Variants in ASIC2 observed in about 807,000 individuals in gnomAD.
ASIC2 encodes the protein acid-sensing ion channel 2.
In ASIC2, 25 loss-of-function variants were observed where a neutral mutation model predicts 57.3. The ratio of observed to expected loss-of-function variants is 0.44; its 90% CI spans 0.32 to 0.61. The LOEUF (loss-of-function observed/expected upper bound fraction) is 0.61. Among genes scored for constraint, ASIC2 ranks in the 20% least tolerant of loss-of-function variants. The pLI, the probability that ASIC2 is intolerant of heterozygous loss-of-function variation, is 0.06. For synonymous variants in ASIC2, 319 were observed against 307.5 expected (o/e 1.04, Z -0.39); for missense variants, 641 against 738.1 (o/e 0.87, Z 1.52).
At chr17:33,155,133 G>C (rs1446288454) in intron 1 of ASIC2, among the ~76,000 whole-genome samples, 1 of 152,248 alleles carries the variant, frequency 6.6e-6, no homozygotes, top group African/African-American at 2.4e-5. Context: ...CTGTGCCTGC[G>C]TGGGTTTGCT....
chr17:33,039,424 G>A (rs985937433), intron 3 of ASIC2, among the ~76,000 whole-genome samples: 4 of 152,140 alleles, frequency 2.6e-5, no homozygotes, highest in Non-Finnish European at 4.4e-5. Flanking sequence ...AAGAGCCTGT[G>A]CTCCGTGGTC....
At chr17:34,143,089 C>T (rs1190016053) in intron 1 of ASIC2, 3 of 152,166 alleles carry the variant, frequency 2.0e-5, no homozygotes, top group Non-Finnish European at 4.4e-5. Context: ...TTAGGAGTAT[C>T]GTAATTATAT....
rs60768735 is a variant in ASIC2, at chr17:33,383,028, A to AAAAC, written c.556-270965_556-270962dup. On this transcript the variant is annotated intron_variant, in intron 1 of 9. Coordinates refer to the ASIC2 transcript ENST00000359872. ...CACAGAATGAGTTCAGGGAATATAA[A>AAAAC]AAACAAACAAACAAACAAACAAACA... 6.8e-3 allele frequency among the ~76,000 whole-genome samples: 1,024 copies of AAAAC among 150,752 alleles called. 10 individuals carry two copies. The highest frequency in any genetic ancestry group is 0.059 in the East Asian group (298 of 5,054).
intron 1 of ASIC2, among the ~76,000 whole-genome samples, chr17:33,464,554 C>CT (rs1567621221): frequency 9.8e-6 from 1 of 102,010 alleles, no homozygotes; most frequent in Non-Finnish European, 2.0e-5. Context: ...TTCTTTCTTT[C>CT]TTTCTTTCTT....
rs1909994113 is a variant in ASIC2, at chr17:34,083,890, T to C, written c.555+72088A>G. On this transcript the variant is annotated intron_variant, in intron 1 of 9. Transcript: ENST00000359872. ...GGTTGTTTGTTTTTTTCTTGTAAATTTGTTTGAGTTCATTGTGGATTCTGG... is the reference window on the plus strand; with the variant it reads ...GGTTGTTTGTTTTTTTCTTGTAAATCTGTTTGAGTTCATTGTGGATTCTGG... Among the ~76,000 whole-genome samples, 4 of 152,332 alleles carry C rather than the reference T, an allele frequency of 2.6e-5. No homozygotes were observed. The South Asian group carries it at 8.3e-4, about 32-fold the overall frequency.
At chr17:33,026,067 G>A in intron 4 of ASIC2, 85 bp from the exon 5 acceptor site, 1 of 1,491,024 alleles carries the variant, frequency 6.7e-7, no homozygotes, top group Non-Finnish European at 9.2e-7. Flanking sequence ...CTTAGGGAAA[G>A]GGGTGCCTCC....
chr17:34,113,587 T>G (rs4795865), intron 1 of ASIC2, among the ~76,000 whole-genome samples: 15,156 of 148,292 alleles, frequency 0.1, 996 homozygotes, highest in Admixed American at 0.17. Context: ...AGGAAGAAGA[T>G]GAAAATTAAG....
intron 7 of ASIC2, 118 bp from the exon 8 acceptor site, chr17:33,017,802 C>T: frequency 2.2e-6 from 2 of 911,856 alleles, no homozygotes; most frequent in South Asian, 1.6e-5. Flanking sequence ...GAGCCTGGGC[C>T]TTGTTGTGGG....
At chr17:34,146,097 G>A (rs555601925) in intron 1 of ASIC2, among the ~76,000 whole-genome samples, 1 of 152,282 alleles carries the variant, frequency 6.6e-6, no homozygotes, top group Admixed American at 6.5e-5. Flanking sequence ...GGGAAACCTT[G>A]GGAAGGGCTT....
chr17:33,642,949 TA>T lies in ASIC2; in HGVS notation c.555+513028del, dbSNP rs367724513. Among the ~76,000 whole-genome samples the T allele has an allele frequency of 6.2e-3, 939 of 152,324 alleles. 9 individuals are homozygous for T. Among genetic ancestry groups the T allele is most frequent in the African/African-American group, 0.021 (892 of 41,586 alleles). On this transcript the variant is annotated intron_variant, in intron 1 of 9. Transcript: ENST00000359872. ...GAACTCAGCCAGTACTGCCTGTGGCTAAGCACACTAATTTGTTGACCAGGGT... is the reference window on the plus strand; with the variant it reads ...GAACTCAGCCAGTACTGCCTGTGGCTAGCACACTAATTTGTTGACCAGGGT...
chr17:33,389,630 T>C (rs1363426521), intron 1 of ASIC2, among the ~76,000 whole-genome samples: 1 of 152,120 alleles, frequency 6.6e-6, no homozygotes, highest in Non-Finnish European at 1.5e-5. Flanking sequence ...GACTAAGACA[T>C]CTAGCCCATT....
chr17:33,721,142 GTGT>G (rs1232025303), intron 1 of ASIC2, among the ~76,000 whole-genome samples: 1 of 152,144 alleles, frequency 6.6e-6, no homozygotes, highest in African/African-American at 2.4e-5. Flanking sequence ...TGGTCCCCTG[GTGT>G]TGTGTGGAAC....
chr17:34,116,147 G>GAGC (rs1911418544), intron 1 of ASIC2, among the ~76,000 whole-genome samples: 1 of 152,226 alleles, frequency 6.6e-6, no homozygotes, highest in Admixed American at 6.5e-5. Flanking sequence ...TCCCTTTTCT[G>GAGC]AGCACCTTTC....
intron 1 of ASIC2, 48 bp downstream of exon 1, chr17:33,291,360 C>G (rs1055189992): frequency 1.9e-6 from 3 of 1,549,324 alleles, no homozygotes; most frequent in Non-Finnish European, 2.6e-6. Flanking sequence ...TCCTGACTGC[C>G]GGGGAGTGGG....
At chr17:33,262,107 A>G (rs1050294223) in intron 1 of ASIC2, among the ~76,000 whole-genome samples, 5 of 152,212 alleles carry the variant, frequency 3.3e-5, no homozygotes, top group Non-Finnish European at 5.9e-5. Flanking sequence ...GGCGCCATGT[A>G]GGCTCCACTG....
chr17:33,743,325 C>T (rs1185585973), intron 1 of ASIC2, among the ~76,000 whole-genome samples: 6 of 152,224 alleles, frequency 3.9e-5, no homozygotes, highest in Non-Finnish European at 7.3e-5. Flanking sequence ...CCCTATCTTC[C>T]ACCCACTACC....
chr17:33,884,745 C>A (rs1304363053), intron 1 of ASIC2, among the ~76,000 whole-genome samples: 1 of 151,336 alleles, frequency 6.6e-6, no homozygotes, highest in African/African-American at 2.4e-5. Context: ...GCTAGATTCA[C>A]TCTTTGACTT....
At chr17:33,730,805 T>C (rs1408245819) in intron 1 of ASIC2, among the ~76,000 whole-genome samples, 1 of 152,242 alleles carries the variant, frequency 6.6e-6, no homozygotes, top group Non-Finnish European at 1.5e-5. Context: ...ATGTGGTTAC[T>C]GTTGATTGAG....
In ASIC2 at chr17:33,459,497, G is replaced by A. The variant is rs147972458; in HGVS notation, c.556-347430C>T. 2.3e-4 allele frequency among the ~76,000 whole-genome samples: 35 copies of A among 152,320 alleles called. No homozygotes were observed. The East Asian group carries it at 6.6e-3, about 29-fold the overall frequency. ...CTTTGTCTTAGTTTTATTTTCTGAA[G>A]GGAAATGCAAGTAGCTCTGCATAAC... is the stretch of plus-strand genomic sequence containing the variant. On this transcript the variant is annotated intron_variant, in intron 1 of 9. Transcript: ENST00000359872.
Sources: gnomAD v4.1 joint callset for allele counts (sites outside exome capture counted in the v4.1 genomes callset) on GRCh38, gnomAD v4.1.1 for gene constraint, MANE v1.5 for transcripts, NCBI Gene and HGNC (gene_info 2026-07-23, HGNC 2026-07-21) for gene names.